The following CAST variants were observed in gnomAD, a reference collection of about 807,000 sequenced individuals.
CAST encodes calpastatin, also known as MIR583 host.
In CAST, 76 loss-of-function variants were observed where a neutral mutation model predicts 119.6. That is an observed-to-expected ratio of 0.64 (90% CI 0.53 to 0.77). The LOEUF (loss-of-function observed/expected upper bound fraction) is 0.77, where lower values mean the gene tolerates loss of function less well. Among genes scored for constraint, CAST ranks in the 30% least tolerant of loss-of-function variants. CAST has a pLI of 0.00. For synonymous variants in CAST, 319 were observed against 331.6 expected (o/e 0.96, Z 0.41); for missense variants, 953 against 946.5 (o/e 1.01, Z -0.09).
chr5:96,564,819 G>A (rs1746439195), intron 1 of CAST, among the ~76,000 whole-genome samples: 1 of 152,192 alleles, frequency 6.6e-6, no homozygotes, highest in African/African-American at 2.4e-5. Context: ...CCTGAGGTGG[G>A]AGGATCACTT....
In CAST at chr5:96,742,768, A is replaced by T; in HGVS notation, c.1200+12A>T. On this transcript the variant is annotated intron_variant, in intron 16 of 31. Transcript: ENST00000675179. ...AGGAAGTCGATGAGGTACTGACCTTAGAGTTGATTTACAAAGCTTGTTAGT... is the reference window on the plus strand; with the variant it reads ...AGGAAGTCGATGAGGTACTGACCTTTGAGTTGATTTACAAAGCTTGTTAGT... The T allele has an allele frequency of 6.3e-7, 1 of 1,591,108 alleles. No homozygotes were observed. Among genetic ancestry groups the T allele is most frequent in the South Asian group, 1.1e-5 (1 of 90,434 alleles).
the CAST span, among the ~76,000 whole-genome samples, chr5:96,174,932 TC>T: frequency 2.0e-5 from 3 of 152,200 alleles, no homozygotes; most frequent in Admixed American, 1.3e-4. Flanking sequence ...TGTATTCATT[TC>T]AGATTTATCT....
intron 1 of CAST, among the ~76,000 whole-genome samples, chr5:96,632,025 A>AATT (rs3064173): frequency 0.22 from 33,650 of 149,650 alleles, 4,054 homozygotes; most frequent in Non-Finnish European, 0.26. Context: ...TCCTTTTAAA[A>AATT]ATTATTATTA....
At chr5:96,597,198 A>G (rs1007184748) in intron 1 of CAST, among the ~76,000 whole-genome samples, 2 of 152,236 alleles carry the variant, frequency 1.3e-5, no homozygotes, top group Admixed American at 1.3e-4. Flanking sequence ...AGCAAAATGA[A>G]AAATACTTGC....
At chr5:96,121,779 C>T in the CAST span, among the ~76,000 whole-genome samples, 1 of 152,114 alleles carries the variant, frequency 6.6e-6, no homozygotes, top group East Asian at 1.9e-4. Context: ...TTCCTAGGGA[C>T]ACTCCTGGGA....
At chr5:96,273,120 T>A in the CAST span, among the ~76,000 whole-genome samples, 1 of 152,238 alleles carries the variant, frequency 6.6e-6, no homozygotes. Context: ...AGAACTTGTC[T>A]TGATGGAGTT....
chr5:96,635,709 A>G (rs1449558099), intron 1 of CAST, among the ~76,000 whole-genome samples: 1 of 152,174 alleles, frequency 6.6e-6, no homozygotes, highest in African/African-American at 2.4e-5. Context: ...TTCATAGCCA[A>G]TTTCACTAGC....
the CAST span, among the ~76,000 whole-genome samples, chr5:96,126,357 C>G: frequency 6.6e-6 from 1 of 151,952 alleles, no homozygotes; most frequent in Non-Finnish European, 1.5e-5. Context: ...TTGTTCCATT[C>G]GTTGTCCTCT....
intron 1 of CAST, among the ~76,000 whole-genome samples, chr5:96,648,537 A>G (rs1168508718): frequency 6.7e-6 from 1 of 148,640 alleles, no homozygotes; most frequent in East Asian, 1.9e-4. Context: ...CTGTATATTT[A>G]AGTTTCAGCA....
At chr5:96,241,892 C>G in the CAST span, among the ~76,000 whole-genome samples, 1 of 145,280 alleles carries the variant, frequency 6.9e-6, no homozygotes, top group Non-Finnish European at 1.5e-5. Context: ...ATGTCCTTCG[C>G]CCACTTTTTG....
intron 1 of CAST, among the ~76,000 whole-genome samples, chr5:96,649,407 A>G (rs1460259129): frequency 1.3e-5 from 2 of 152,320 alleles, no homozygotes; most frequent in East Asian, 1.9e-4. Context: ...TGCTATTCAC[A>G]TAAGTCGAAT....
At chr5:96,213,982 T>C in the CAST span, among the ~76,000 whole-genome samples, 1 of 152,182 alleles carries the variant, frequency 6.6e-6, no homozygotes, top group Non-Finnish European at 1.5e-5. Flanking sequence ...TATATACTGT[T>C]CTACTTGTTG....
the CAST span, among the ~76,000 whole-genome samples, chr5:96,163,719 C>T: frequency 2.6e-5 from 4 of 152,154 alleles, no homozygotes; most frequent in Non-Finnish European, 5.9e-5. Flanking sequence ...GTATTCATGG[C>T]CATTACTGGG....
the CAST span, among the ~76,000 whole-genome samples, chr5:96,496,748 C>T: frequency 6.6e-6 from 1 of 152,068 alleles, no homozygotes; most frequent in Non-Finnish European, 1.5e-5. Flanking sequence ...GCCCAAATAA[C>T]TTTTTTATTT....
the CAST span, among the ~76,000 whole-genome samples, chr5:96,172,086 A>G: frequency 2.6e-5 from 4 of 152,142 alleles, no homozygotes; most frequent in Admixed American, 6.5e-5. Flanking sequence ...GTGAAGGGAG[A>G]TGGGGTGGGG....
chr5:96,490,779 G>T, the CAST span, among the ~76,000 whole-genome samples: 3 of 151,810 alleles, frequency 2.0e-5, no homozygotes, highest in African/African-American at 7.3e-5. Flanking sequence ...AATATGAAGT[G>T]CAAAACAATA....
the CAST span, among the ~76,000 whole-genome samples, chr5:96,217,204 A>ATTTTTTTTTTTTTTTT: frequency 4.9e-4 from 48 of 97,016 alleles, 2 homozygotes; most frequent in African/African-American, 8.5e-4. Flanking sequence ...ATGCTAGCTA[A>ATTTTTTTTTTTTTTTT]TTTTTTTTTT....
At chr5:96,121,053 G>A in the CAST span, among the ~76,000 whole-genome samples, 2 of 151,926 alleles carry the variant, frequency 1.3e-5, no homozygotes, top group African/African-American at 4.8e-5. Flanking sequence ...CCATTTCCCA[G>A]CTTATTTTAA....
At chr5:96,134,088 C>T in the CAST span, among the ~76,000 whole-genome samples, 5 of 152,304 alleles carry the variant, frequency 3.3e-5, no homozygotes, top group Admixed American at 6.5e-5. Flanking sequence ...ACCATTTGGC[C>T]TTTAGTTGGT....
Sources: gnomAD v4.1 joint callset for allele counts (sites outside exome capture counted in the v4.1 genomes callset) on GRCh38, gnomAD v4.1.1 for gene constraint, MANE v1.5 for transcripts, NCBI Gene and HGNC (gene_info 2026-07-23, HGNC 2026-07-21) for gene names.